The following RPS6KC1 variants were observed in gnomAD, a reference collection of about 807,000 sequenced individuals.
RPS6KC1 encodes the protein ribosomal protein S6 kinase C1.
RPS6KC1 carries 54 observed loss-of-function variants against 103.8 expected under a neutral mutation model. The observed-to-expected ratio is 0.52, with a 90% CI of 0.42 to 0.65. The LOEUF (loss-of-function observed/expected upper bound fraction) is 0.65, where lower values mean the gene tolerates loss of function less well. Among genes scored for constraint, RPS6KC1 ranks in the 30% least tolerant of loss-of-function variants. The probability of loss-of-function intolerance (pLI) is 0.00; values close to 1 mark genes in which losing one functional copy is unlikely to be tolerated. For synonymous variants in RPS6KC1, 439 were observed against 438.7 expected (o/e 1.00, Z -0.01); for missense variants, 1,151 against 1,253.8 (o/e 0.92, Z 1.24).
chr1:213,622,043 C>T, the RPS6KC1 span, among the ~76,000 whole-genome samples: 1 of 152,152 alleles, frequency 6.6e-6, no homozygotes, highest in African/African-American at 2.4e-5. Context: ...CCAACTCTCT[C>T]ACCTCCTCAT....
At chr1:213,461,522 T>G in the RPS6KC1 span, among the ~76,000 whole-genome samples, 11 of 152,320 alleles carry the variant, frequency 7.2e-5, no homozygotes, top group African/African-American at 2.6e-4. Flanking sequence ...CTACCTGACT[T>G]TAAACTATAC....
At chr1:213,395,186 A>T in the RPS6KC1 span, among the ~76,000 whole-genome samples, 1 of 152,250 alleles carries the variant, frequency 6.6e-6, no homozygotes, top group African/African-American at 2.4e-5. Flanking sequence ...AGCCCCACAG[A>T]TCTGGGATTG....
chr1:213,697,816 C>T, the RPS6KC1 span, among the ~76,000 whole-genome samples: 29 of 152,292 alleles, frequency 1.9e-4, no homozygotes, highest in Non-Finnish European at 3.2e-4. Flanking sequence ...CATTTTTCTC[C>T]TCTATTACCT....
chr1:213,195,154 AT>A (rs2092897079), intron 8 of RPS6KC1, among the ~76,000 whole-genome samples: 1 of 152,180 alleles, frequency 6.6e-6, no homozygotes, highest in African/African-American at 2.4e-5. Context: ...AAACACATTT[AT>A]TTAACAGGAG....
the RPS6KC1 span, chr1:213,832,563 G>A: frequency 6.6e-6 from 1 of 152,106 alleles, no homozygotes; most frequent in African/African-American, 2.4e-5. Flanking sequence ...TCAAGTTCTT[G>A]TCCTGTATAC....
chr1:213,682,887 C>G, the RPS6KC1 span, among the ~76,000 whole-genome samples: 1 of 152,100 alleles, frequency 6.6e-6, no homozygotes, highest in African/African-American at 2.4e-5. Context: ...AGATTTTAAA[C>G]AAAACGAGAT....
At chr1:213,507,549 A>ATTTTT in the RPS6KC1 span, among the ~76,000 whole-genome samples, 228 of 142,806 alleles carry the variant, frequency 1.6e-3, 2 homozygotes, top group African/African-American at 5.6e-3. Flanking sequence ...CAACCCTCTC[A>ATTTTT]TTTTTTTTTT....
chr1:213,221,333 C>T (rs760679654), intron 8 of RPS6KC1, among the ~76,000 whole-genome samples: 5 of 152,184 alleles, frequency 3.3e-5, no homozygotes, highest in African/African-American at 9.6e-5. Context: ...TGCTTCATGA[C>T]GTTCTGTGTT....
chr1:213,602,632 A>G, the RPS6KC1 span, among the ~76,000 whole-genome samples: 1 of 152,106 alleles, frequency 6.6e-6, no homozygotes, highest in Non-Finnish European at 1.5e-5. Flanking sequence ...AGGTTTTCTT[A>G]GAGTTGATGT....
intron 2 of RPS6KC1, among the ~76,000 whole-genome samples, chr1:213,071,283 C>T (rs533319733): frequency 2.2e-3 from 341 of 152,284 alleles, no homozygotes; most frequent in African/African-American, 8.0e-3. Context: ...GCATCTGCCA[C>T]CACACTCAGC....
At chr1:213,605,110 C>T in the RPS6KC1 span, among the ~76,000 whole-genome samples, 12 of 152,114 alleles carry the variant, frequency 7.9e-5, no homozygotes, top group South Asian at 8.3e-4. Context: ...GTCATGGTGC[C>T]CTTAGCTTCT....
chr1:213,108,260 ATT>A (rs1357029262), intron 4 of RPS6KC1, among the ~76,000 whole-genome samples: 1 of 152,120 alleles, frequency 6.6e-6, no homozygotes, highest in Non-Finnish European at 1.5e-5. Context: ...TTTTTAGTTC[ATT>A]TTATATACGG....
chr1:213,741,725 C>T, the RPS6KC1 span, among the ~76,000 whole-genome samples: 1 of 152,094 alleles, frequency 6.6e-6, no homozygotes, highest in South Asian at 2.1e-4. Context: ...GGTGCCTCCG[C>T]CCTTCTCTCC....
At chr1:213,545,371 C>CAAATAAATAAATAAAT in the RPS6KC1 span, among the ~76,000 whole-genome samples, 195 of 119,644 alleles carry the variant, frequency 1.6e-3, no homozygotes, top group East Asian at 0.011. Flanking sequence ...AACTCTGTCT[C>CAAATAAATAAATAAAT]AAATAAATAA....
chr1:213,605,840 C>T, the RPS6KC1 span, among the ~76,000 whole-genome samples: 139 of 152,226 alleles, frequency 9.1e-4, no homozygotes, highest in African/African-American at 3.3e-3. Flanking sequence ...GGAGGGGAAA[C>T]GACCAAGGTT....
chr1:213,093,564 A>G (rs2081182927), intron 3 of RPS6KC1, among the ~76,000 whole-genome samples: 1 of 152,090 alleles, frequency 6.6e-6, no homozygotes, highest in Admixed American at 6.6e-5. Context: ...TTCAGCAGCA[A>G]AGGAGTCCTC....
At chr1:213,858,684 G>A in the RPS6KC1 span, among the ~76,000 whole-genome samples, 1 of 152,178 alleles carries the variant, frequency 6.6e-6, no homozygotes, top group African/African-American at 2.4e-5. Flanking sequence ...TCTACATAAT[G>A]CAGACTATGG....
At chr1:213,152,519 C>T (rs2089289258) in intron 6 of RPS6KC1, among the ~76,000 whole-genome samples, 2 of 150,026 alleles carry the variant, frequency 1.3e-5, no homozygotes, top group Non-Finnish European at 3.0e-5. Flanking sequence ...CCTCACTTCT[C>T]AGACGGGGCG....
intron 14 of RPS6KC1, among the ~76,000 whole-genome samples, chr1:213,266,970 A>G (rs139997297): frequency 2.0e-5 from 3 of 151,918 alleles, no homozygotes; most frequent in African/African-American, 7.2e-5. Flanking sequence ...CTGGGCAAGA[A>G]CAGTGGGACT....
Sources: allele counts gnomAD v4.1 joint callset (sites outside exome capture counted in the v4.1 genomes callset), GRCh38; gene constraint gnomAD v4.1.1; transcripts MANE v1.5; gene names NCBI Gene and HGNC (gene_info 2026-07-23, HGNC 2026-07-21).